The following ZNF708 variants were observed in gnomAD, a reference collection of about 807,000 sequenced individuals.
ZNF708 encodes the protein zinc finger protein 708.
Under a neutral mutation model 47.0 loss-of-function variants are expected in ZNF708, and 44 were observed. That is an observed-to-expected ratio of 0.94 (90% CI 0.74 to 1.20). The LOEUF (loss-of-function observed/expected upper bound fraction) is 1.20. Ranked by LOEUF, ZNF708 falls within the 50% of genes most tolerant of loss-of-function variation. The pLI is 0.00. For missense variants in ZNF708, 557 were observed against 656.0 expected (o/e 0.85, Z 1.65); for synonymous variants, 184 against 218.5 (o/e 0.84, Z 1.39).
chr19:21,301,097 C>T (rs1289302336), intron 3 of ZNF708, among the ~76,000 whole-genome samples: 2 of 152,046 alleles, frequency 1.3e-5, no homozygotes, highest in Non-Finnish European at 2.9e-5. Flanking sequence ...ACTTATTGGA[C>T]ACTATCAAGT....
Position 21,297,299 on chromosome 19 carries a change from T to TTTTC in ZNF708, c.227-2561_227-2560insGAAA, listed in dbSNP as rs760318274. On this transcript the variant is annotated intron_variant, in intron 3 of 3. Transcript: ENST00000356929. Reference sequence around the variant, plus strand: ...TTTTTTTTTTTTTTTTTTTTTTTTTTCAGATGGAGTCTCACTCTGTCGCCC... The same window carrying TTTTC: ...TTTTTTTTTTTTTTTTTTTTTTTTTTTTTCCAGATGGAGTCTCACTCTGTCGCCC... Among the ~76,000 whole-genome samples, 63 of 89,156 alleles carry TTTTC rather than the reference T, an allele frequency of 7.1e-4. 16 individuals are homozygous for TTTTC. Among genetic ancestry groups the TTTTC allele is most frequent in the Non-Finnish European group, 1.3e-3 (51 of 40,202 alleles). The allele number at this position is 89,156 out of a possible 152,430, so 58.5% of individuals were successfully genotyped here. A position where few individuals can be genotyped will look rare whatever the true frequency, so the allele number is the denominator to read the frequency against.
At chr19:21,306,854 A>C (rs965538488) in intron 3 of ZNF708, 1 of 151,600 alleles carries the variant, frequency 6.6e-6, no homozygotes, top group African/African-American at 2.4e-5. Flanking sequence ...GAGGCAGGAG[A>C]AATCGCTTGA....
rs544919430 is a variant in ZNF708, at chr19:21,302,647, C to T, written c.226+6599G>A. Among the ~76,000 whole-genome samples, 7 of 151,928 alleles carry T rather than the reference C, an allele frequency of 4.6e-5. No homozygotes were observed. The South Asian group carries it at 1.5e-3, about 32-fold the overall frequency. Reference sequence around the variant, plus strand: ...CTGGGAGGTGGAGGTTGCAGTGAGCCGAGATCATGCCATTGCACTCCAGCC... The same window carrying T: ...CTGGGAGGTGGAGGTTGCAGTGAGCTGAGATCATGCCATTGCACTCCAGCC... On this transcript the variant is annotated intron_variant, in intron 3 of 3. Transcript: ENST00000356929.
rs1349850277 is a variant in ZNF708, at chr19:21,301,497, TC to T, written c.227-6759del. On this transcript the variant is annotated intron_variant, in intron 3 of 3. Transcript: ENST00000356929. Reference sequence around the variant, plus strand: ...CAGGCATGGTGGCAGTCCCCTGTAATCCCAGCTACTCCGGAGGCTGAGACAG... The same window carrying T: ...CAGGCATGGTGGCAGTCCCCTGTAATCCAGCTACTCCGGAGGCTGAGACAG... Among the ~76,000 whole-genome samples, 3 of 152,136 alleles carry T rather than the reference TC, an allele frequency of 2.0e-5. No individual in the cohort carries two copies. In the East Asian group the frequency reaches 5.8e-4, roughly 29 times the overall value.
intron 1 of ZNF708, among the ~76,000 whole-genome samples, chr19:21,320,144 C>G (rs1027108251): frequency 2.0e-5 from 3 of 151,922 alleles, no homozygotes; most frequent in Non-Finnish European, 2.9e-5. Flanking sequence ...CCACTGCACT[C>G]CAGCCTGGGT....
At chr19:21,311,848 T>C (rs775256291) in intron 1 of ZNF708, among the ~76,000 whole-genome samples, 22 of 152,194 alleles carry the variant, frequency 1.4e-4, no homozygotes, top group Non-Finnish European at 2.6e-4. Flanking sequence ...AATAAAAATA[T>C]GGACCACACT....
intron 1 of ZNF708, among the ~76,000 whole-genome samples, chr19:21,321,696 AAAGAAAGAAAGG>A (rs914613195): frequency 9.6e-5 from 14 of 145,220 alleles, no homozygotes; most frequent in African/African-American, 3.6e-4. Context: ...GGAAACAAAG[AAAGAAAGAAAGG>A]AAGGAAGGAA....
At chr19:21,298,278 A>G (rs1972582108) in intron 3 of ZNF708, among the ~76,000 whole-genome samples, 1 of 152,040 alleles carries the variant, frequency 6.6e-6, no homozygotes, top group African/African-American at 2.4e-5. Flanking sequence ...TGTTAGGCCA[A>G]AAAAAATTCT....
chr19:21,296,093 C>T (rs1972521539), intron 3 of ZNF708, among the ~76,000 whole-genome samples: 1 of 151,658 alleles, frequency 6.6e-6, no homozygotes, highest in Admixed American at 6.6e-5. Context: ...ATAAAAATGT[C>T]TTATGAGATA....
chr19:21,297,258 A>G (rs1972546867), intron 3 of ZNF708, among the ~76,000 whole-genome samples: 1 of 14,716 alleles, frequency 6.8e-5, no homozygotes, highest in Non-Finnish European at 1.6e-4. Flanking sequence ...ATATATATAT[A>G]TATATATATA....
chr19:21,323,748 G>A (rs1248756828), intron 1 of ZNF708, among the ~76,000 whole-genome samples: 1 of 152,044 alleles, frequency 6.6e-6, no homozygotes, highest in Non-Finnish European at 1.5e-5. Flanking sequence ...AGCTTTCCAG[G>A]GCTCTGTAGC....
intron 3 of ZNF708, among the ~76,000 whole-genome samples, chr19:21,299,343 ACT>A (rs1244648704): frequency 6.6e-6 from 1 of 151,988 alleles, no homozygotes; most frequent in Non-Finnish European, 1.5e-5. Context: ...ACAGAGTGAG[ACT>A]CTGTCTCATA....
intron 1 of ZNF708, among the ~76,000 whole-genome samples, chr19:21,314,635 T>G (rs1024923987): frequency 4.6e-5 from 7 of 152,196 alleles, no homozygotes; most frequent in Non-Finnish European, 1.0e-4. Flanking sequence ...TCTATTTTTC[T>G]AATGGCCATA....
intron 3 of ZNF708, among the ~76,000 whole-genome samples, chr19:21,304,188 G>A (rs538625862): frequency 6.6e-6 from 1 of 152,072 alleles, no homozygotes; most frequent in Non-Finnish European, 1.5e-5. Flanking sequence ...TATAATCATT[G>A]TGGAAGGCAA....
chr19:21,300,486 A>C (rs1351076826), intron 3 of ZNF708, among the ~76,000 whole-genome samples: 1 of 151,422 alleles, frequency 6.6e-6, no homozygotes, highest in Non-Finnish European at 1.5e-5. Flanking sequence ...AGCCTGGACA[A>C]CAAGAACGAA....
At chr19:21,326,364 A>G (rs544915333) in intron 1 of ZNF708, among the ~76,000 whole-genome samples, 2 of 152,352 alleles carry the variant, frequency 1.3e-5, no homozygotes, top group East Asian at 1.9e-4. Flanking sequence ...ATATATATAC[A>G]ATGGAATACT....
Position 21,310,641 on chromosome 19 carries a change from A to G in ZNF708, c.4-14T>C. The G allele has an allele frequency of 6.7e-7, 1 of 1,481,830 alleles. No individual in the cohort carries two copies. The highest frequency in any genetic ancestry group is 2.2e-5 in the Admixed American group (1 of 46,090). The allele number at this position is 1,481,830 out of a possible 1,614,324, so 91.8% of individuals were successfully genotyped here. On this transcript the variant is annotated splice_polypyrimidine_tract_variant and intron_variant, in intron 1 of 3. Coordinates refer to ENST00000356929, the MANE Select transcript of ZNF708 (RefSeq NM_021269.3). Reference sequence around the variant, plus strand: ...TGTCAATGGTCCCTGAAAAACACATACACACACACATATTTACCAAGTGGT... The same window carrying G: ...TGTCAATGGTCCCTGAAAAACACATGCACACACACATATTTACCAAGTGGT...
At chr19:21,320,768 TAA>T (rs55662605) in intron 1 of ZNF708, among the ~76,000 whole-genome samples, 6,365 of 111,948 alleles carry the variant, frequency 0.057, 165 homozygotes, top group African/African-American at 0.082. Flanking sequence ...CTCTGGCCAT[TAA>T]AAAAAAAAAA....
intron 2 of ZNF708, among the ~76,000 whole-genome samples, chr19:21,310,142 G>A (rs1972866211): frequency 6.6e-6 from 1 of 152,028 alleles, no homozygotes; most frequent in Admixed American, 6.6e-5. Flanking sequence ...ATTAGGAATT[G>A]TATATTAAAG....
Sources: gnomAD v4.1 joint callset for allele counts (sites outside exome capture counted in the v4.1 genomes callset) on GRCh38, gnomAD v4.1.1 for gene constraint, MANE v1.5 for transcripts, NCBI Gene and HGNC (gene_info 2026-07-23, HGNC 2026-07-21) for gene names.